RNF216: variants seen among roughly 807,000 people sequenced by gnomAD.
RNF216 encodes ring finger protein 216.
Under a neutral mutation model 110.8 loss-of-function variants are expected in RNF216, and 72 were observed. That is an observed-to-expected ratio of 0.65 (90% CI 0.54 to 0.79). RNF216 has a LOEUF of 0.79. Ranked by LOEUF, RNF216 falls within the 30% of genes least tolerant of loss-of-function variation. The pLI, the probability that RNF216 is intolerant of heterozygous loss-of-function variation, is 0.00. For missense variants in RNF216, 1,342 were observed against 1,141.2 expected (o/e 1.18, Z -2.54); for synonymous variants, 495 against 407.5 (o/e 1.21, Z -2.59).
chr7:5,663,439 C>T (rs976033646), intron 13 of RNF216, among the ~76,000 whole-genome samples: 1 of 151,950 alleles, frequency 6.6e-6, no homozygotes, highest in African/African-American at 2.4e-5. Context: ...AACAAATTAG[C>T]CAGGTGTGGT....
chr7:5,741,915 A>G, intron 3 of RNF216, 100 bp from the exon 4 acceptor site: 2 of 1,231,648 alleles, frequency 1.6e-6, no homozygotes, highest in Non-Finnish European at 2.2e-6. Flanking sequence ...GAAAGAAACA[A>G]AAACACCATC....
intron 13 of RNF216, among the ~76,000 whole-genome samples, chr7:5,675,129 A>G (rs1404397379): frequency 4.6e-5 from 7 of 152,228 alleles, no homozygotes; most frequent in Non-Finnish European, 1.0e-4. Flanking sequence ...TTTATTTTAA[A>G]TAATGGCAGG....
intron 1 of RNF216, chr7:5,779,931 C>T (rs1248556366): frequency 1.3e-5 from 2 of 151,852 alleles, no homozygotes; most frequent in East Asian, 3.9e-4. Flanking sequence ...CCGAGGGACG[C>T]GGATATGCTC....
Position 5,636,826 on chromosome 7 carries a change from T to C in RNF216, c.2382+4328A>G, listed in dbSNP as rs115723526. The stretch of plus-strand genomic sequence containing the variant: ...CTAGAAACTTTCTCAGGTTAGAAGA[T>C]GACGATCCAACAAGAAAACAACAAG... On this transcript the variant is annotated intron_variant, in intron 15 of 16. Transcript: ENST00000389902. 6.0e-3 allele frequency among the ~76,000 whole-genome samples: 918 copies of C among 152,210 alleles called. 15 individuals carry two copies. The highest frequency in any genetic ancestry group is 0.021 in the African/African-American group (886 of 41,514).
chr7:5,676,021 C>CTT (rs112746518), intron 13 of RNF216, among the ~76,000 whole-genome samples: 2 of 145,574 alleles, frequency 1.4e-5, no homozygotes, highest in Non-Finnish European at 3.0e-5. Flanking sequence ...CTTCTTTTTT[C>CTT]TTTTTTTTTT....
chr7:5,689,367 A>T (rs1791183909), intron 13 of RNF216, among the ~76,000 whole-genome samples: 1 of 151,692 alleles, frequency 6.6e-6, no homozygotes, highest in Non-Finnish European at 1.5e-5. Context: ...AGTATTAAAA[A>T]AAAAAAAAAA....
At chr7:5,746,683 T>C (rs183246324) in intron 3 of RNF216, among the ~76,000 whole-genome samples, 19 of 152,306 alleles carry the variant, frequency 1.2e-4, no homozygotes, top group African/African-American at 4.6e-4. Context: ...GCATCCCTAA[T>C]TTCTAAAAAT....
chr7:5,642,054 A>G (rs1214654265), intron 14 of RNF216, among the ~76,000 whole-genome samples: 44 of 151,168 alleles, frequency 2.9e-4, no homozygotes, highest in African/African-American at 4.8e-4. Context: ...AAGAAAAAAA[A>G]AAAGAAAGAA....
At chr7:5,775,769 T>A (rs1053916552) in intron 1 of RNF216, among the ~76,000 whole-genome samples, 1 of 151,826 alleles carries the variant, frequency 6.6e-6, no homozygotes, top group Non-Finnish European at 1.5e-5. Flanking sequence ...CTCGGGAGGC[T>A]GAGGCAGGAG....
intron 13 of RNF216, among the ~76,000 whole-genome samples, chr7:5,703,180 C>T (rs1792078171): frequency 6.6e-6 from 1 of 152,150 alleles, no homozygotes; most frequent in Non-Finnish European, 1.5e-5. Context: ...TAAATGAGTC[C>T]TCATTTGTGG....
chr7:5,761,732 G>A (rs1795945362), intron 1 of RNF216, among the ~76,000 whole-genome samples: 1 of 151,566 alleles, frequency 6.6e-6, no homozygotes, highest in Admixed American at 6.6e-5. Flanking sequence ...GTTGCAGTGA[G>A]CCAAGATCGT....
chr7:5,771,925 A>G (rs1277957371), intron 1 of RNF216, among the ~76,000 whole-genome samples: 2 of 152,114 alleles, frequency 1.3e-5, no homozygotes, highest in Non-Finnish European at 2.9e-5. Flanking sequence ...ATGAGACATC[A>G]GAGAAATGTA....
intron 9 of RNF216, among the ~76,000 whole-genome samples, chr7:5,718,187 C>A (rs999946238): frequency 2.6e-5 from 4 of 152,022 alleles, no homozygotes; most frequent in African/African-American, 9.7e-5. Context: ...TTGACACCAG[C>A]CTGGTCAACA....
At chr7:5,710,676 C>A (rs1189829750) in intron 13 of RNF216, among the ~76,000 whole-genome samples, 5 of 152,194 alleles carry the variant, frequency 3.3e-5, no homozygotes, top group Admixed American at 6.5e-5. Flanking sequence ...ACTCCTAGCA[C>A]CAGTAAGCGT....
At chr7:5,685,951 G>A (rs938855412) in intron 13 of RNF216, among the ~76,000 whole-genome samples, 9 of 152,040 alleles carry the variant, frequency 5.9e-5, no homozygotes, top group African/African-American at 1.9e-4. Flanking sequence ...GGCCGGGCGC[G>A]GTGGCTCACA....
rs1176822843 is a variant in RNF216 at position 5,658,651 on chromosome 7, T to C, written c.2062-6141A>G. ...CAGTCTGGGTGACAGAGAGAGACTG[T>C]CTCAAAAAAAAAAAAAAAAAAAAAT... On this transcript the variant is annotated intron_variant, in intron 13 of 16. Coordinates refer to ENST00000389902, the MANE Select transcript of RNF216 (RefSeq NM_207111.4). Among the ~76,000 whole-genome samples, 3 of 127,414 alleles carry C rather than the reference T, an allele frequency of 2.4e-5. No individual in the cohort carries two copies. In the East Asian group the frequency reaches 6.6e-4, roughly 28 times the overall value. 83.6% of individuals were successfully genotyped at this position (127,414 alleles called of 152,430 possible). A position where few individuals can be genotyped will look rare whatever the true frequency, so the allele number is the denominator to read the frequency against.
intron 14 of RNF216, among the ~76,000 whole-genome samples, chr7:5,642,611 C>A (rs1331745440): frequency 1.3e-5 from 2 of 151,086 alleles, no homozygotes; most frequent in East Asian, 3.9e-4. Context: ...GTGTGTGCCA[C>A]CACATCACCA....
chr7:5,719,258 C>T (rs938789797), intron 9 of RNF216, among the ~76,000 whole-genome samples: 1 of 152,036 alleles, frequency 6.6e-6, no homozygotes, highest in Non-Finnish European at 1.5e-5. Context: ...ACCTGCAGTC[C>T]CAATTACTCA....
chr7:5,667,331 T>C (rs566584899), intron 13 of RNF216, among the ~76,000 whole-genome samples: 1 of 152,374 alleles, frequency 6.6e-6, no homozygotes, highest in East Asian at 1.9e-4. Context: ...CAAAAAAGTT[T>C]AAAAGCCATT....
Sources: allele counts gnomAD v4.1 joint callset (sites outside exome capture counted in the v4.1 genomes callset), GRCh38; gene constraint gnomAD v4.1.1; transcripts MANE v1.5; gene names NCBI Gene and HGNC (gene_info 2026-07-23, HGNC 2026-07-21).